The following RYR2 variants were observed in gnomAD, a reference collection of about 807,000 sequenced individuals.
The protein encoded by RYR2 is ryanodine receptor 2, also known as cardiac muscle ryanodine receptor-calcium release channel.
Under a neutral mutation model 601.1 loss-of-function variants are expected in RYR2, and 227 were observed. That is an observed-to-expected ratio of 0.38 (90% CI 0.34 to 0.42). The LOEUF is 0.42. Ranked by LOEUF, RYR2 falls within the 10% of genes least tolerant of loss-of-function variation. The probability of loss-of-function intolerance (pLI) is 1.00; values close to 1 mark genes in which losing one functional copy is unlikely to be tolerated. For missense variants in RYR2, 4,646 were observed against 6,156.5 expected, an observed-to-expected ratio of 0.75 and a Z score of 8.21; for synonymous variants, 2,223 against 2,175.1, an observed-to-expected ratio of 1.02 and a Z score of -0.61.
At chr1:237,187,167 C>T (rs1679436488) in intron 1 of RYR2, among the ~76,000 whole-genome samples, 1 of 144,184 alleles carries the variant, frequency 6.9e-6, no homozygotes, top group South Asian at 2.3e-4. Context: ...AAGAATGTCA[C>T]ATAGACTTTT....
At chr1:237,718,214 T>C (rs113547658) in intron 72 of RYR2, among the ~76,000 whole-genome samples, 2 of 152,208 alleles carry the variant, frequency 1.3e-5, no homozygotes, top group African/African-American at 2.4e-5. Context: ...TTCTTATGAA[T>C]TGGAAACTTG....
intron 1 of RYR2, among the ~76,000 whole-genome samples, chr1:237,231,684 T>C (rs1685013747): frequency 6.6e-6 from 1 of 152,194 alleles, no homozygotes; most frequent in Non-Finnish European, 1.5e-5. Context: ...ATGAGGAGAA[T>C]TGCATGTGGA....
rs560920083 is a variant in RYR2 at position 237,331,712 on chromosome 1, C to T, written c.273+730C>T. The stretch of plus-strand genomic sequence containing the variant: ...TCTATTTTTAGTAGAGACGGGGTTT[C>T]ACCATGTTGGCCAGGATGGTCTTGA... On this transcript the variant is annotated intron_variant, in intron 3 of 104. Coordinates refer to ENST00000366574, the MANE Select transcript of RYR2 (RefSeq NM_001035.3). 2.1e-4 allele frequency among the ~76,000 whole-genome samples: 31 copies of T among 150,030 alleles called. 2 individuals are homozygous for T. The highest frequency in any genetic ancestry group is 1.3e-3 in the South Asian group (6 of 4,722).
Position 237,708,898 on chromosome 1 carries a change from C to G in RYR2, c.9942C>G (p.Leu3314=), listed in dbSNP as rs746973997. The change falls in exon 69 of 105, where the codon CTC becomes CTG. Residue 3314 remains leucine, a synonymous_variant. Transcript: ENST00000366574. ...TAATAAATAAAGTGAAACCTCAGCT[C>G]TTGAAAACTCATTTCTTGCCGTTAA... is the stretch of plus-strand genomic sequence containing the variant. ...QPIINKVKPQ[L]LKTHFLPLME... is the part of the protein sequence containing the mutation. 1.2e-6 allele frequency: 2 copies of G among 1,611,704 alleles called. No homozygotes were observed. The highest frequency in any genetic ancestry group is 4.5e-5 in the East Asian group (2 of 44,848).
intron 29 of RYR2, among the ~76,000 whole-genome samples, chr1:237,585,011 A>G (rs1422328541): frequency 6.6e-6 from 1 of 151,958 alleles, no homozygotes; most frequent in African/African-American, 2.4e-5. Context: ...AGATACAGAT[A>G]CAGGCATGAA....
At chr1:237,362,097 G>A (rs1281203236) in intron 4 of RYR2, among the ~76,000 whole-genome samples, 1 of 152,136 alleles carries the variant, frequency 6.6e-6, no homozygotes, top group Admixed American at 6.5e-5. Context: ...GTGCCCCCAG[G>A]TTTTGCTTGT....
intron 1 of RYR2, 166 bp from the exon 2 acceptor site, chr1:237,270,331 G>A: frequency 3.1e-6 from 3 of 956,156 alleles, no homozygotes; most frequent in Non-Finnish European, 3.2e-6. Context: ...AGTACGTGAG[G>A]GATTGATTCC....
chr1:237,569,944 T>G (rs2990543), intron 29 of RYR2, among the ~76,000 whole-genome samples: 93,311 of 151,884 alleles, frequency 0.61, 30,308 homozygotes, highest in Admixed American at 0.71. Flanking sequence ...TGGGCCGGGT[T>G]CAGTGGCTCA....
chr1:237,314,699 C>T (rs952477448), intron 2 of RYR2, among the ~76,000 whole-genome samples: 1 of 152,152 alleles, frequency 6.6e-6, no homozygotes, highest in Admixed American at 6.5e-5. Context: ...TGAAGGCTTT[C>T]CTGAAGTCCG....
chr1:237,494,731 G>C (rs1231751541), intron 19 of RYR2, among the ~76,000 whole-genome samples: 2 of 152,306 alleles, frequency 1.3e-5, no homozygotes, highest in South Asian at 4.2e-4. Context: ...AGCTAGCCTG[G>C]AGAAACTGAT....
Position 237,614,395 on chromosome 1 carries a change from C to A in RYR2, c.5267C>A (p.Ser1756Tyr). ...CTTCCAGGGATCGGCCTCAGCACCT[C>A]CCTCAGGCCACGGATGCAGTTTTCC... ...HGLPGIGLST[S>Y]LRPRMQFSSP... is the part of the protein sequence containing the mutation. The change falls in exon 37 of 105, where the codon TCC becomes TAC. Residue 1756 changes from serine to tyrosine, a missense_variant. Physicochemically the swap from Ser to Tyr is moderately radical, Grantham distance 144. Around this residue, in one of 17 missense-constraint regions of RYR2, gnomAD observed 1,807 missense variants for 2,088.1 expected, o/e 0.87. Transcript: ENST00000366574. The surrounding 1 kb of genome is among the most constrained non-coding windows in gnomAD (Gnocchi z 4.3). 1 of 1,614,020 alleles carries A rather than the reference C, an allele frequency of 6.2e-7. No individual in the cohort carries two copies. Among genetic ancestry groups the A allele is most frequent in the Non-Finnish European group, 8.5e-7 (1 of 1,179,888 alleles).
intron 8 of RYR2, among the ~76,000 whole-genome samples, chr1:237,379,367 A>G (rs1348384571): frequency 6.6e-6 from 1 of 152,220 alleles, no homozygotes; most frequent in Non-Finnish European, 1.5e-5. Flanking sequence ...ACTACCTGAG[A>G]AAGTCATCTA....
At position 237,155,238 on chromosome 1, in the gene RYR2, C is replaced by T. The variant is rs369167808; in HGVS notation, c.48+112669C>T. On this transcript the variant is annotated intron_variant, in intron 1 of 104. Coordinates refer to ENST00000366574, the MANE Select transcript of RYR2 (RefSeq NM_001035.3). ...TTGTCCAGGCTGGAGTGCAGTGGTG[C>T]GGTCTCAGCGCACTGCAATCTCCAC... is the stretch of plus-strand genomic sequence containing the variant. Among the ~76,000 whole-genome samples, 8 of 135,004 alleles carry T rather than the reference C, an allele frequency of 5.9e-5. No homozygotes were observed. The South Asian group carries it at 1.1e-3, about 19-fold the overall frequency. The allele number at this position is 135,004 out of a possible 152,430, so 88.6% of individuals were successfully genotyped here. A position where few individuals can be genotyped will look rare whatever the true frequency, so the allele number is the denominator to read the frequency against.
intron 54 of RYR2, 72 bp from the exon 55 acceptor site, chr1:237,659,913 A>G (rs1683608074): frequency 1.0e-6 from 1 of 963,000 alleles, no homozygotes; most frequent in Admixed American, 2.9e-5. Flanking sequence ...ACACGCACTT[A>G]AACACCTGCA....
rs1271550108 is a variant in RYR2, at chr1:237,479,936, C to G, written c.1708+10749C>G. 2.0e-5 allele frequency among the ~76,000 whole-genome samples: 3 copies of G among 152,072 alleles called. No homozygotes were observed. In the East Asian group the frequency reaches 5.8e-4, roughly 29 times the overall value. Reference sequence around the variant, plus strand: ...TTCAAGGTAAAAGGAAACTAATGAACCTAGGAATGAACCTCTGTAGTCTGT... The same window carrying G: ...TTCAAGGTAAAAGGAAACTAATGAAGCTAGGAATGAACCTCTGTAGTCTGT... On this transcript the variant is annotated intron_variant, in intron 17 of 104. Coordinates refer to ENST00000366574, the MANE Select transcript of RYR2 (RefSeq NM_001035.3).
chr1:237,496,538 C>G lies in RYR2; in HGVS notation c.1989C>G (p.Val663=). 9 of 1,613,946 alleles carry G rather than the reference C, an allele frequency of 5.6e-6. No homozygotes were observed. Among genetic ancestry groups the G allele is most frequent in the Non-Finnish European group, 7.6e-6 (9 of 1,179,868 alleles). ...TGAGACCCAATATTTTTCTGGGCGT[C>G]AGTGAAGGTTCTGCTCAGTATAAGA... ...SSMRPNIFLG[V]SEGSAQYKKW... is the part of the protein sequence containing the mutation. Residue 663 remains valine (V), a synonymous_variant, in exon 20 of 105, where the codon GTC becomes GTG. Coordinates refer to ENST00000366574, the MANE Select transcript of RYR2 (RefSeq NM_001035.3).
intron 1 of RYR2, among the ~76,000 whole-genome samples, chr1:237,160,910 A>T (rs1372540161): frequency 1.3e-5 from 2 of 152,190 alleles, no homozygotes; most frequent in Admixed American, 1.3e-4. Flanking sequence ...AACAGTTTCC[A>T]CAAAGGCTTA....
At chr1:237,789,266 A>G (rs759044039) in intron 92 of RYR2, among the ~76,000 whole-genome samples, 2 of 152,190 alleles carry the variant, frequency 1.3e-5, no homozygotes, top group Non-Finnish European at 2.9e-5. Context: ...AATGAACTAT[A>G]GAATTTCACC....
chr1:237,571,828 C>T (rs1034439606), intron 29 of RYR2, among the ~76,000 whole-genome samples: 2 of 152,068 alleles, frequency 1.3e-5, no homozygotes, highest in African/African-American at 2.4e-5. Flanking sequence ...TTTGGAGATA[C>T]ATGGTAAGTC....
Sources: gnomAD v4.1 joint callset for allele counts (sites outside exome capture counted in the v4.1 genomes callset) on GRCh38, gnomAD v4.1.1 for gene constraint, gnomAD v4.1.1 regional missense constraint, Gnocchi (gnomAD v3.1) non-coding constraint, MANE v1.5 for transcripts, NCBI Gene and HGNC (gene_info 2026-07-23, HGNC 2026-07-21) for gene names.